The following EAF2 variants were observed in gnomAD, a reference collection of about 807,000 sequenced individuals.
EAF2 encodes ELL associated factor 2.
Under a neutral mutation model 29.4 loss-of-function variants are expected in EAF2, and 29 were observed. The ratio of observed to expected loss-of-function variants is 0.99; its 90% CI spans 0.73 to 1.35. EAF2 has a LOEUF of 1.35. EAF2 is among the 40% of genes most tolerant of loss of function. The pLI, the probability that EAF2 is intolerant of heterozygous loss-of-function variation, is 0.00. For missense variants in EAF2, 292 were observed against 312.0 expected, an observed-to-expected ratio of 0.94 and a Z score of 0.48; for synonymous variants, 103 against 102.5, an observed-to-expected ratio of 1.00 and a Z score of -0.03.
At chr3:121,836,990 T>G (rs1174586628) in intron 1 of EAF2, among the ~76,000 whole-genome samples, 1 of 152,190 alleles carries the variant, frequency 6.6e-6, no homozygotes, top group Non-Finnish European at 1.5e-5. Flanking sequence ...ATAAAGGTTC[T>G]GAAAATGCCA....
chr3:121,847,122 T>C (rs1377900901), intron 2 of EAF2, among the ~76,000 whole-genome samples: 5 of 152,198 alleles, frequency 3.3e-5, no homozygotes, highest in South Asian at 4.1e-4. Flanking sequence ...TAAGTCCTAT[T>C]CTAGGTAGCT....
At chr3:121,860,000 C>G (rs115942370) in intron 4 of EAF2, among the ~76,000 whole-genome samples, 1 of 152,152 alleles carries the variant, frequency 6.6e-6, no homozygotes, top group Admixed American at 6.5e-5. Context: ...GTTGAACCAG[C>G]CTTGTATCCC....
At chr3:121,867,689 G>C (rs1331781986) in intron 4 of EAF2, among the ~76,000 whole-genome samples, 1 of 152,168 alleles carries the variant, frequency 6.6e-6, no homozygotes, top group Non-Finnish European at 1.5e-5. Context: ...GAATCTTAGA[G>C]TATCAGGAAG....
chr3:121,866,748 T>G (rs190612965), intron 4 of EAF2, among the ~76,000 whole-genome samples: 363 of 151,324 alleles, frequency 2.4e-3, no homozygotes, highest in East Asian at 2.9e-3. Flanking sequence ...AAATAAAAAA[T>G]AAAAAGAAAA....
chr3:121,847,908 G>A (rs1161842601), intron 2 of EAF2, among the ~76,000 whole-genome samples: 3 of 152,120 alleles, frequency 2.0e-5, no homozygotes, highest in Admixed American at 2.0e-4. Flanking sequence ...TAGTCACTGG[G>A]ATGGTAGAAG....
Position 121,835,227 on chromosome 3 carries a change from C to A in EAF2, c.-59C>A. 1 of 1,530,254 alleles carries A rather than the reference C, an allele frequency of 6.5e-7. No homozygotes were observed. Among genetic ancestry groups the A allele is most frequent in the Non-Finnish European group, 9.1e-7 (1 of 1,104,248 alleles). 94.8% of individuals were successfully genotyped at this position (1,530,254 alleles called of 1,614,324 possible). On this transcript the variant is annotated 5_prime_UTR_variant, in exon 1 of 6. The change creates a new upstream start codon in the 5' untranslated region. Transcript: ENST00000273668. ...CGGGATCAAGTGCAGCTGCTTCAGG[C>A]TGAGGTGGCAGATAGTGAGCGCTGG...
chr3:121,875,887 C>T (rs779256857), intron 5 of EAF2, among the ~76,000 whole-genome samples: 38 of 151,724 alleles, frequency 2.5e-4, no homozygotes, highest in Admixed American at 1.4e-3. Flanking sequence ...TATTGAGGAA[C>T]TATCCCAGAA....
intron 5 of EAF2, among the ~76,000 whole-genome samples, chr3:121,876,830 A>G (rs1709106121): frequency 6.6e-6 from 1 of 151,994 alleles, no homozygotes; most frequent in African/African-American, 2.4e-5. Flanking sequence ...GAAGTGAAAG[A>G]AAGTGATTGA....
At chr3:121,865,031 C>A (rs1291412279) in intron 4 of EAF2, among the ~76,000 whole-genome samples, 2 of 152,090 alleles carry the variant, frequency 1.3e-5, no homozygotes, top group Non-Finnish European at 2.9e-5. Context: ...TTTTACAGTA[C>A]AAGTAGAAGT....
intron 5 of EAF2, chr3:121,873,273 A>C (rs1576655109): frequency 2.1e-6 from 1 of 470,938 alleles, no homozygotes; most frequent in East Asian, 3.4e-5. Flanking sequence ...CTCATAATCA[A>C]TCTTTGGCTC....
chr3:121,840,314 A>G (rs1157134215), intron 1 of EAF2, among the ~76,000 whole-genome samples: 1 of 150,428 alleles, frequency 6.6e-6, no homozygotes, highest in African/African-American at 2.5e-5. Context: ...AACATGGAGA[A>G]AGCCCGTTTC....
chr3:121,865,671 A>T (rs576280038), intron 4 of EAF2, among the ~76,000 whole-genome samples: 2 of 151,710 alleles, frequency 1.3e-5, no homozygotes, highest in East Asian at 3.9e-4. Flanking sequence ...TATAAAAAAA[A>T]ATATTTTTTT....
At chr3:121,874,356 G>C (rs1709062926) in intron 5 of EAF2, among the ~76,000 whole-genome samples, 1 of 151,722 alleles carries the variant, frequency 6.6e-6, no homozygotes, top group South Asian at 2.1e-4. Context: ...TTCTTGACTT[G>C]GGAAGTAATA....
Position 121,840,488 on chromosome 3 carries a change from T to TAAA in EAF2, c.107-3947_107-3945dup, listed in dbSNP as rs1221757062. ...CCTGGTGACAGAGGGAGACTTCGTC[T>TAAA]AAAAAAAAAAAAAAAAAAAAGAAAA... On this transcript the variant is annotated intron_variant, in intron 1 of 5. Coordinates refer to ENST00000273668, the MANE Select transcript of EAF2 (RefSeq NM_018456.6). Among the ~76,000 whole-genome samples, 267 of 34,866 alleles carry TAAA rather than the reference T, an allele frequency of 7.7e-3. 15 individuals carry two copies. The highest frequency in any genetic ancestry group is 0.028 in the African/African-American group (203 of 7,264). 22.9% of individuals were successfully genotyped at this position (34,866 alleles called of 152,430 possible).
chr3:121,876,518 TAAC>T (rs1312869983), intron 5 of EAF2, among the ~76,000 whole-genome samples: 14 of 152,074 alleles, frequency 9.2e-5, no homozygotes, highest in African/African-American at 3.4e-4. Context: ...ACTATAAAGA[TAAC>T]AAGTCTGTTT....
chr3:121,848,690 G>A (rs530344039), intron 2 of EAF2, among the ~76,000 whole-genome samples: 36 of 152,118 alleles, frequency 2.4e-4, no homozygotes, highest in African/African-American at 7.2e-4. Context: ...GTGAAAAATC[G>A]TGATACATAC....
At chr3:121,837,055 AAAAT>A (rs1210374156) in intron 1 of EAF2, among the ~76,000 whole-genome samples, 1 of 147,806 alleles carries the variant, frequency 6.8e-6, no homozygotes, top group Admixed American at 6.7e-5. Flanking sequence ...AAAATAAACA[AAAAT>A]AAGCAAAACA....
At chr3:121,865,285 T>C (rs908797783) in intron 4 of EAF2, among the ~76,000 whole-genome samples, 14 of 145,874 alleles carry the variant, frequency 9.6e-5, no homozygotes, top group African/African-American at 3.7e-4. Context: ...AAAAGAAAGT[T>C]GTAGAGGTTA....
chr3:121,856,319 CTTTTTTT>C lies in EAF2; in HGVS notation c.339-684_339-678del, dbSNP rs202213987. On this transcript the variant is annotated intron_variant, in intron 3 of 5. Transcript: ENST00000273668. Reference sequence around the variant, plus strand: ...CTTATCTGTTCAATTTAAGCAATGGCTTTTTTTTTTTTTTGGTTGTTGTTTTATTTAT... The same window carrying C: ...CTTATCTGTTCAATTTAAGCAATGGCTTTTTTTGGTTGTTGTTTTATTTAT... 2.9e-5 allele frequency among the ~76,000 whole-genome samples: 4 copies of C among 136,478 alleles called. No individual in the cohort carries two copies. In the East Asian group the frequency reaches 8.4e-4, roughly 29 times the overall value. 89.5% of individuals were successfully genotyped at this position (136,478 alleles called of 152,430 possible). A position where few individuals can be genotyped will look rare whatever the true frequency, so the allele number is the denominator to read the frequency against.
Sources: allele counts gnomAD v4.1 joint callset (sites outside exome capture counted in the v4.1 genomes callset), GRCh38; gene constraint gnomAD v4.1.1; transcripts MANE v1.5; gene names NCBI Gene and HGNC (gene_info 2026-07-23, HGNC 2026-07-21).